Variants in MTERF4 observed in about 807,000 individuals in gnomAD.
The protein encoded by MTERF4 is mitochondrial transcription termination factor 4.
In MTERF4, 17 loss-of-function variants were observed where a neutral mutation model predicts 22.5. That is an observed-to-expected ratio of 0.75 (90% CI 0.52 to 1.13). The LOEUF (loss-of-function observed/expected upper bound fraction) is 1.13, where lower values mean the gene tolerates loss of function less well. MTERF4 is among the 50% of genes most tolerant of loss of function. The pLI is 0.00. For synonymous variants in MTERF4, 165 were observed against 175.3 expected, an observed-to-expected ratio of 0.94 and a Z score of 0.47; for missense variants, 420 against 466.8, an observed-to-expected ratio of 0.90 and a Z score of 0.92.
chr2:241,094,159 T>C (rs1476182597), downstream of MTERF4: 3 of 370,432 alleles, frequency 8.1e-6, no homozygotes, highest in South Asian at 2.1e-5. The surrounding 1 kb of genome is among the most constrained non-coding windows in gnomAD (Gnocchi z 4.3). Flanking sequence ...AAAGACAAAC[T>C]CTCCCTTTTC....
At chr2:241,071,585 A>G, downstream of MTERF4, 1 of 1,586,968 alleles carries the variant, frequency 6.3e-7, no homozygotes, top group African/African-American at 1.3e-5. Flanking sequence ...GCCCCCAGGG[A>G]TGGCGCTGAC....
chr2:241,063,157 G>A, the MTERF4 span, among the ~76,000 whole-genome samples: 7 of 152,364 alleles, frequency 4.6e-5, no homozygotes, highest in East Asian at 1.9e-4. Flanking sequence ...GGTGGGCGTC[G>A]GAGAGGGCAG....
downstream of MTERF4, chr2:241,072,165 G>T: frequency 1.5e-6 from 1 of 660,090 alleles, no homozygotes; most frequent in Admixed American, 2.1e-5. Flanking sequence ...TTAGAAGCAG[G>T]TCTGAGACAT....
chr2:241,060,889 C>T, the MTERF4 span, among the ~76,000 whole-genome samples: 6,073 of 151,896 alleles, frequency 0.04, 188 homozygotes, highest in East Asian at 0.12. Flanking sequence ...GTGATTGCAC[C>T]GCTGCATTCC....
chr2:241,049,596 G>A, the MTERF4 span, among the ~76,000 whole-genome samples: 2 of 152,168 alleles, frequency 1.3e-5, no homozygotes, highest in Non-Finnish European at 2.9e-5. Flanking sequence ...CGTAGAAGAC[G>A]GAAGGGTGAA....
At chr2:241,071,958 C>A, downstream of MTERF4, 1 of 1,159,354 alleles carries the variant, frequency 8.6e-7, no homozygotes, top group Non-Finnish European at 1.3e-6. Flanking sequence ...CTGTCCCCTA[C>A]ATGATGAGCC....
downstream of MTERF4, among the ~76,000 whole-genome samples, chr2:241,071,169 T>C (rs2062695502): frequency 6.6e-6 from 1 of 151,958 alleles, no homozygotes; most frequent in Non-Finnish European, 1.5e-5. Flanking sequence ...CATGCTGGGG[T>C]GGGGACTCCC....
rs563037504 is a variant in MTERF4, at chr2:241,096,498, A to G, written c.706-60T>C. 2.2e-5 allele frequency: 35 copies of G among 1,575,824 alleles called. No individual in the cohort carries two copies. The African/African-American group carries it at 3.0e-4, about 13-fold the overall frequency. On this transcript the variant is annotated intron_variant, in intron 3 of 3. Transcript: ENST00000391980. This position sits in a 1 kb window ranked among gnomAD's most constrained non-coding sequence, Gnocchi z 5.1. ...ACAGAGTATTGAAACCTATCATTCT[A>G]TAAACCATAAAAACTTAAGTTGTAC...
downstream of MTERF4, chr2:241,071,645 C>T (rs748990545): frequency 4.9e-5 from 77 of 1,573,768 alleles, no homozygotes; most frequent in South Asian, 6.9e-5. Context: ...AAGAACAGAC[C>T]GCCCCCGGCG....
chr2:241,049,141 T>C, the MTERF4 span: 1 of 1,606,798 alleles, frequency 6.2e-7, no homozygotes, highest in Non-Finnish European at 8.5e-7. Context: ...CCACTGTGAG[T>C]AGCTCGGGGA....
the MTERF4 span, chr2:241,053,119 A>C: frequency 1.9e-6 from 3 of 1,589,118 alleles, no homozygotes; most frequent in Non-Finnish European, 2.6e-6. Context: ...AGGAAGGCAC[A>C]GGACCGTGCG....
exon 5 of MTERF4, chr2:241,074,574 T>A (rs999241939): frequency 1.3e-5 from 2 of 152,148 alleles, no homozygotes; most frequent in Admixed American, 6.5e-5. Flanking sequence ...CAGGAGAGAT[T>A]CAAGATGACC....
chr2:241,071,722 T>A (rs1377569548), downstream of MTERF4: 8 of 1,039,336 alleles, frequency 7.7e-6, no homozygotes, highest in Non-Finnish European at 1.1e-5. Flanking sequence ...GCCCCCCAGG[T>A]ACATGCCCCA....
chr2:241,073,650 C>A lies in MTERF4; in HGVS notation n.2512G>T. On this transcript the variant is annotated non_coding_transcript_exon_variant, in exon 5 of 5. Coordinates refer to the MTERF4 transcript ENST00000464344. The surrounding 1 kb of genome is among the most constrained non-coding windows in gnomAD (Gnocchi z 6.6). Reference sequence around the variant, plus strand: ...TTTGATGCTGCCTCCCCTCCCCTCTCCTCCTTCGCCTCCACATGCAGCAGA... The same window carrying A: ...TTTGATGCTGCCTCCCCTCCCCTCTACTCCTTCGCCTCCACATGCAGCAGA... 1 of 504,616 alleles carries A rather than the reference C, an allele frequency of 2.0e-6. No individual in the cohort carries two copies. Among genetic ancestry groups the A allele is most frequent in the Non-Finnish European group, 3.5e-6 (1 of 284,556 alleles). The allele number at this position is 504,616 out of a possible 1,614,324, so 31.3% of individuals were successfully genotyped here.
the MTERF4 span, among the ~76,000 whole-genome samples, chr2:241,047,156 A>AAG: frequency 9.3e-6 from 1 of 107,390 alleles, no homozygotes; most frequent in Non-Finnish European, 1.9e-5. Context: ...CAAAAAAAAA[A>AAG]AAAAAAAAAA....
At chr2:241,084,373 C>G (rs1659436091), downstream of MTERF4, among the ~76,000 whole-genome samples, 1 of 152,132 alleles carries the variant, frequency 6.6e-6, no homozygotes, top group South Asian at 2.1e-4. Context: ...AGGCTGGTCT[C>G]AAACTCATGA....
At chr2:241,055,124 AAAAAG>A in the MTERF4 span, among the ~76,000 whole-genome samples, 341 of 152,278 alleles carry the variant, frequency 2.2e-3, 1 homozygote, top group African/African-American at 7.8e-3. Flanking sequence ...CTCAAAAAAA[AAAAAG>A]AAAAAATATT....
At chr2:241,069,651 C>T (rs536940276), downstream of MTERF4, among the ~76,000 whole-genome samples, 67 of 152,214 alleles carry the variant, frequency 4.4e-4, no homozygotes, top group Middle Eastern at 3.4e-3. The surrounding 1 kb of genome is among the most constrained non-coding windows in gnomAD (Gnocchi z 4.9). Context: ...GCAGGGAGGG[C>T]GCCAGCTGAC....
downstream of MTERF4, chr2:241,087,698 T>G (rs1200465461): frequency 6.6e-6 from 9 of 1,364,190 alleles, no homozygotes; most frequent in African/African-American, 1.3e-4. Flanking sequence ...TGCTGGGTGC[T>G]GGGGGGGGTC....
Sources: gnomAD v4.1 joint callset for allele counts (sites outside exome capture counted in the v4.1 genomes callset) on GRCh38, gnomAD v4.1.1 for gene constraint, Gnocchi (gnomAD v3.1) non-coding constraint, MANE v1.5 for transcripts, NCBI Gene and HGNC (gene_info 2026-07-23, HGNC 2026-07-21) for gene names.